PINLYP: variants seen among roughly 807,000 people sequenced by gnomAD.
PINLYP encodes the protein phospholipase A2 inhibitor and LY6/PLAUR domain containing.
In PINLYP, 12 loss-of-function variants were observed where a neutral mutation model predicts 15.8. The observed-to-expected ratio is 0.76, with a 90% CI of 0.49 to 1.23. The LOEUF (loss-of-function observed/expected upper bound fraction) is 1.23. Among genes scored for constraint, PINLYP ranks in the 50% most tolerant of loss-of-function variants. The pLI, the probability that PINLYP is intolerant of heterozygous loss-of-function variation, is 0.00. For missense variants in PINLYP, 278 were observed against 264.2 expected (o/e 1.05, Z -0.36); for synonymous variants, 93 against 97.7 (o/e 0.95, Z 0.28).
At position 43,581,202 on chromosome 19, in the gene PINLYP, C is replaced by T; in HGVS notation, c.188-10C>T. ...AGCCAGCACTGTCCCTGCCTGTCCCCATCCCACAGAGGGCAAGGAGTTGGT... is the reference window on the plus strand; with the variant it reads ...AGCCAGCACTGTCCCTGCCTGTCCCTATCCCACAGAGGGCAAGGAGTTGGT... On this transcript the variant is annotated splice_polypyrimidine_tract_variant and intron_variant, in intron 3 of 5. Transcript: ENST00000599207. 2 of 1,536,504 alleles carry T rather than the reference C, an allele frequency of 1.3e-6. No individual in the cohort carries two copies. Among genetic ancestry groups the T allele is most frequent in the Non-Finnish European group, 1.7e-6 (2 of 1,146,716 alleles).
At chr19:43,580,586 G>A in intron 3 of PINLYP, 1 of 971,908 alleles carries the variant, frequency 1.0e-6, no homozygotes, top group Non-Finnish European at 1.2e-6. Flanking sequence ...GCCTGAAATA[G>A]AGTAATCCCG....
intron 3 of PINLYP, 61 bp from the exon 4 acceptor site, chr19:43,581,151 G>A (rs1972926345): frequency 1.3e-6 from 2 of 1,509,656 alleles, no homozygotes; most frequent in African/African-American, 1.4e-5. Flanking sequence ...AGACCTTGAG[G>A]CAGGGGTTGA....
At chr19:43,575,740 C>T (rs369141567), upstream of PINLYP, 31 of 359,856 alleles carry the variant, frequency 8.6e-5, 1 homozygote, top group East Asian at 7.6e-4. Context: ...AGCCTCGCCT[C>T]CCAATGACGT....
chr19:43,581,897 G>C (rs932111002), exon 6 of PINLYP: 2 of 1,536,586 alleles, frequency 1.3e-6, no homozygotes, highest in African/African-American at 1.4e-5. Flanking sequence ...TGCTATGCGG[G>C]GCTGTGCTAC....
At chr19:43,575,681 G>A (rs569708611), upstream of PINLYP, 18 of 419,828 alleles carry the variant, frequency 4.3e-5, no homozygotes, top group Non-Finnish European at 7.3e-5. Flanking sequence ...CCTTAGCAAC[G>A]AGCGTTTCCT....
At chr19:43,576,613 C>A (rs1314865226) in exon 1 of PINLYP, among the ~76,000 whole-genome samples, 5 of 152,160 alleles carry the variant, frequency 3.3e-5, no homozygotes, top group Non-Finnish European at 2.9e-5. Context: ...TCATTCGGTG[C>A]CTTGGAGACC....
At position 43,581,315 on chromosome 19, in the gene PINLYP, C is replaced by G. The variant is rs774270525; in HGVS notation, c.291C>G (p.Thr97=). The G allele has an allele frequency of 5.9e-6, 9 of 1,536,884 alleles. No individual in the cohort carries two copies. In the African/African-American group the frequency reaches 1.2e-4, roughly 21 times the overall value. ...TGGGCCCCAAGGACCACATGGTAAC[C>G]AGCTCCTTCTGCTGCCAGAGCGACG... The change falls in exon 4 of 6, where the codon ACC becomes ACG. Residue 97 remains threonine (T), a synonymous_variant. Coordinates refer to ENST00000599207, the Ensembl canonical transcript of PINLYP.
chr19:43,580,092 C>T (rs959090763), intron 3 of PINLYP, among the ~76,000 whole-genome samples: 4 of 152,132 alleles, frequency 2.6e-5, no homozygotes, highest in African/African-American at 9.7e-5. Context: ...ATAAAGGCGA[C>T]TTTGGGTGCA....
intron 3 of PINLYP, among the ~76,000 whole-genome samples, chr19:43,579,537 G>A (rs919986261): frequency 2.1e-4 from 32 of 151,148 alleles, no homozygotes; most frequent in African/African-American, 6.8e-4. Flanking sequence ...ATGAGCTACC[G>A]TGCCTGGCTG....
chr19:43,575,521 G>C (rs746562821), upstream of PINLYP: 3 of 1,557,632 alleles, frequency 1.9e-6, no homozygotes, highest in Non-Finnish European at 2.6e-6. Flanking sequence ...CGAGGGGCAG[G>C]GAGAGTGGGA....
At chr19:43,576,397 T>A (rs1180055355) in exon 1 of PINLYP, among the ~76,000 whole-genome samples, 3 of 151,978 alleles carry the variant, frequency 2.0e-5, no homozygotes, top group African/African-American at 7.3e-5. Context: ...TTAGCAGATC[T>A]CTTTCAGCCT....
intron 4 of PINLYP, 42 bp downstream of exon 4, chr19:43,581,406 C>G: frequency 6.5e-7 from 1 of 1,533,120 alleles, no homozygotes; most frequent in Non-Finnish European, 8.7e-7. Flanking sequence ...TGGCTCTCCA[C>G]TGACCCTTGC....
At chr19:43,577,597 T>TC (rs1972882411) in intron 2 of PINLYP, among the ~76,000 whole-genome samples, 1 of 124,788 alleles carries the variant, frequency 8.0e-6, no homozygotes, top group African/African-American at 2.7e-5. Flanking sequence ...AAAAATATAA[T>TC]TAAAAAAAAA....
intron 3 of PINLYP, among the ~76,000 whole-genome samples, chr19:43,579,493 C>T (rs563703347): frequency 1.3e-5 from 2 of 151,560 alleles, no homozygotes; most frequent in Non-Finnish European, 2.9e-5. Context: ...GTGATTCTCC[C>T]GCCTCGACCT....
Position 43,576,912 on chromosome 19 carries a change from G to A in PINLYP, c.-85G>A, listed in dbSNP as rs2146079225. ...GCAAACAAACAAACAACAATGGGCCGTGGGAAGGTGAGAAAACAGGGTGGT... is the reference window on the plus strand; with the variant it reads ...GCAAACAAACAAACAACAATGGGCCATGGGAAGGTGAGAAAACAGGGTGGT... On this transcript the variant is annotated 5_prime_UTR_variant, in exon 1 of 6. The change creates a new upstream start codon in the 5' untranslated region. Transcript: ENST00000599207. 1 of 480,020 alleles carries A rather than the reference G, an allele frequency of 2.1e-6. No homozygotes were observed. The allele number at this position is 480,020 out of a possible 1,614,324, so 29.7% of individuals were successfully genotyped here. A position where few individuals can be genotyped will look rare whatever the true frequency, so the allele number is the denominator to read the frequency against.
intron 3 of PINLYP, 44 bp from the exon 4 acceptor site, chr19:43,581,168 G>A (rs1972926642): frequency 1.3e-6 from 2 of 1,524,968 alleles, no homozygotes; most frequent in Admixed American, 2.0e-5. Flanking sequence ...TTGAAGCCAG[G>A]GAGTGGTCAG....
chr19:43,578,607 G>A (rs1205824072), exon 3 of PINLYP: 36 of 1,535,790 alleles, frequency 2.3e-5, no homozygotes, highest in South Asian at 4.8e-5. Flanking sequence ...ACTACACTGC[G>A]AAATATGTAC....
At chr19:43,578,794 G>A (rs866441600) in intron 3 of PINLYP, 88 bp downstream of exon 3, 10 of 959,576 alleles carry the variant, frequency 1.0e-5, no homozygotes, top group African/African-American at 4.9e-5. Context: ...GGATCATCAT[G>A]GTTCTCAAGA....
rs60586273 is a variant in PINLYP at position 43,579,085 on chromosome 19, A to G, written c.187+379A>G. The G allele has an allele frequency of 3.1e-3, 840 of 270,226 alleles. 29 individuals are homozygous for G. In the East Asian group the frequency reaches 0.079, roughly 25 times the overall value. The allele number at this position is 270,226 out of a possible 1,614,324, so 16.7% of individuals were successfully genotyped here. On this transcript the variant is annotated intron_variant, in intron 3 of 5. Coordinates refer to ENST00000599207, the Ensembl canonical transcript of PINLYP. ...AATGGTGGGGAGTGGATAGAGAAGGAAGAGGCTGGGCTGGGGTGGGAAAGT... is the reference window on the plus strand; with the variant it reads ...AATGGTGGGGAGTGGATAGAGAAGGGAGAGGCTGGGCTGGGGTGGGAAAGT...
Sources: allele counts gnomAD v4.1 joint callset (sites outside exome capture counted in the v4.1 genomes callset), GRCh38; gene constraint gnomAD v4.1.1; transcripts MANE v1.5; gene names NCBI Gene and HGNC (gene_info 2026-07-23, HGNC 2026-07-21).